The following ZBTB38 variants were observed in gnomAD, a reference collection of about 807,000 sequenced individuals.
ZBTB38 encodes the protein zinc finger and BTB domain containing 38.
A neutral mutation model predicts 76.8 loss-of-function variants in ZBTB38; 20 were observed. The observed-to-expected ratio is 0.26, with a 90% CI of 0.18 to 0.38. The LOEUF (loss-of-function observed/expected upper bound fraction) is 0.38, where lower values mean the gene tolerates loss of function less well. Ranked by LOEUF, ZBTB38 falls within the 10% of genes least tolerant of loss-of-function variation. The probability of loss-of-function intolerance (pLI) is 1.00; values close to 1 mark genes in which losing one functional copy is unlikely to be tolerated. For synonymous variants in ZBTB38, 504 were observed against 544.2 expected (o/e 0.93, Z 1.03); for missense variants, 1,082 against 1,482.3 (o/e 0.73, Z 4.43).
At chr3:141,395,889 C>T (rs562097419) in intron 4 of ZBTB38, among the ~76,000 whole-genome samples, 28 of 152,250 alleles carry the variant, frequency 1.8e-4, no homozygotes, top group African/African-American at 6.7e-4. Flanking sequence ...ACCATTATGC[C>T]TTAAAAATGT....
At chr3:141,329,486 C>T (rs1281582546) in intron 1 of ZBTB38, among the ~76,000 whole-genome samples, 1 of 152,180 alleles carries the variant, frequency 6.6e-6, no homozygotes, top group East Asian at 1.9e-4. Context: ...ATAATACTGC[C>T]ACAAGCAGAG....
intron 1 of ZBTB38, among the ~76,000 whole-genome samples, chr3:141,335,901 C>T (rs1943003199): frequency 6.6e-6 from 1 of 152,222 alleles, no homozygotes; most frequent in Non-Finnish European, 1.5e-5. Context: ...ACAATGCTGA[C>T]ACATAGTAGA....
intron 5 of ZBTB38, among the ~76,000 whole-genome samples, chr3:141,430,967 G>A (rs2077364645): frequency 6.6e-6 from 1 of 152,068 alleles, no homozygotes; most frequent in Non-Finnish European, 1.5e-5. Context: ...CAGGAACCCT[G>A]TCCTGGGGAA....
At chr3:141,431,150 C>T (rs2150496674) in intron 5 of ZBTB38, among the ~76,000 whole-genome samples, 2 of 151,612 alleles carry the variant, frequency 1.3e-5, no homozygotes. Flanking sequence ...TGGTGAAACC[C>T]CGTCTCTACT....
At chr3:141,384,706 T>G (rs972768576) in intron 3 of ZBTB38, 9 of 152,228 alleles carry the variant, frequency 5.9e-5, no homozygotes, top group African/African-American at 2.2e-4. Context: ...TTTCTGACGC[T>G]GTCAATGCTA....
chr3:141,445,005 G>A lies in ZBTB38; in HGVS notation c.2617G>A (p.Glu873Lys), dbSNP rs1400349642. Residue 873 changes from glutamate (E) to lysine (K), a missense_variant, in exon 6 of 6, where the codon GAG (glutamate) becomes AAG (lysine). Glu to Lys is a moderately conservative substitution (Grantham distance 56). Around this residue, in one of 8 missense-constraint regions of ZBTB38, gnomAD observed 471 missense variants for 581.0 expected, o/e 0.81. Coordinates refer to ENST00000321464, the MANE Select transcript of ZBTB38 (RefSeq NM_001376113.1). This position sits in a 1 kb window ranked among gnomAD's most constrained non-coding sequence, Gnocchi z 6.5. ...GRRPKYQMQEEPLPQGNDPEP... is the reference protein window; with the variant it reads ...GRRPKYQMQEKPLPQGNDPEP... ...AAGACCCAAGTATCAGATGCAGGAG[G>A]AGCCTTTGCCACAGGGGAATGACCC... 1.9e-6 allele frequency: 3 copies of A among 1,614,052 alleles called. No homozygotes were observed. Among genetic ancestry groups the A allele is most frequent in the African/African-American group, 1.3e-5 (1 of 74,910 alleles).
chr3:141,390,390 G>A (rs1040471664), intron 4 of ZBTB38, among the ~76,000 whole-genome samples: 3 of 152,132 alleles, frequency 2.0e-5, no homozygotes, highest in Non-Finnish European at 4.4e-5. Context: ...AACAAAATGG[G>A]CAAATATGTG....
chr3:141,341,031 T>A (rs1187081504), intron 1 of ZBTB38, among the ~76,000 whole-genome samples: 1 of 147,248 alleles, frequency 6.8e-6, no homozygotes, highest in Admixed American at 6.7e-5. Flanking sequence ...GATAGACAAG[T>A]GGTTAATAAG....
chr3:141,340,982 G>GAAAGAAAGAAAGA (rs1553760142), intron 1 of ZBTB38, among the ~76,000 whole-genome samples: 1 of 137,428 alleles, frequency 7.3e-6, no homozygotes, highest in East Asian at 2.0e-4. Flanking sequence ...AAGAAAGAAA[G>GAAAGAAAGAAAGA]AAAGAAAGAG....
chr3:141,441,032 C>CAAAAAAAAAAAAAAAAAAA (rs202075469), intron 5 of ZBTB38, among the ~76,000 whole-genome samples: 1 of 64,620 alleles, frequency 1.5e-5, no homozygotes, highest in African/African-American at 5.0e-5. Flanking sequence ...GACTCAATCT[C>CAAAAAAAAAAAAAAAAAAA]AAAAAAAAAA....
chr3:141,357,672 G>C (rs1010538632), intron 1 of ZBTB38, among the ~76,000 whole-genome samples: 2 of 152,126 alleles, frequency 1.3e-5, no homozygotes, highest in Admixed American at 1.3e-4. Flanking sequence ...TGGGACTACA[G>C]GCACCCGCCA....
chr3:141,433,048 A>G (rs1237042732), intron 5 of ZBTB38, among the ~76,000 whole-genome samples: 1 of 152,194 alleles, frequency 6.6e-6, no homozygotes. Context: ...TTCAAACTCA[A>G]GAAATAGTCA....
chr3:141,372,919 C>G (rs1319332771), intron 2 of ZBTB38, among the ~76,000 whole-genome samples: 2 of 152,166 alleles, frequency 1.3e-5, no homozygotes, highest in Non-Finnish European at 2.9e-5. Context: ...CCTCAAAGCA[C>G]TAAGTATGCA....
At position 141,443,685 on chromosome 3, in the gene ZBTB38, A is replaced by G. The variant is rs371080422; in HGVS notation, c.1297A>G (p.Arg433Gly). The G allele has an allele frequency of 2.5e-6, 4 of 1,614,048 alleles. No homozygotes were observed. The African/African-American group carries it at 5.3e-5, about 22-fold the overall frequency. ...TGPEPLLSENRIGEFSSTGST... is the reference protein window; with the variant it reads ...TGPEPLLSENGIGEFSSTGST... ...TCCAGAACCTTTATTATCTGAAAAT[A>G]GGATTGGTGAATTTTCCAGTACCGG... is the stretch of plus-strand genomic sequence containing the variant. Residue 433 changes from arginine (R) to glycine (G), a missense_variant, in exon 6 of 6, where the codon AGG (arginine) becomes GGG (glycine). By Grantham distance (125) the Arg-to-Gly change is moderately radical. Coordinates refer to ENST00000321464, the MANE Select transcript of ZBTB38 (RefSeq NM_001376113.1). This position sits in a 1 kb window ranked among gnomAD's most constrained non-coding sequence, Gnocchi z 5.6.
Position 141,442,934 on chromosome 3 carries a change from G to C in ZBTB38, c.546G>C (p.Pro182=). ...ETENSNNMFS[P]LDLRASFKKV... ...AAAATAGTAATAACATGTTTTCCCC[G>C]CTGGACTTGAGGGCAAGTTTCAAAA... The change falls in exon 6 of 6, where the codon CCG becomes CCC. Residue 182 remains proline, a synonymous_variant. Coordinates refer to ENST00000321464, the MANE Select transcript of ZBTB38 (RefSeq NM_001376113.1). This position sits in a 1 kb window ranked among gnomAD's most constrained non-coding sequence, Gnocchi z 6.4. The C allele has an allele frequency of 6.2e-7, 1 of 1,614,172 alleles. No homozygotes were observed.
intron 2 of ZBTB38, among the ~76,000 whole-genome samples, chr3:141,379,526 G>T (rs1030404801): frequency 2.6e-5 from 4 of 152,196 alleles, no homozygotes; most frequent in African/African-American, 9.6e-5. Context: ...TGATGAGAGG[G>T]ACAGCGGTGC....
intron 5 of ZBTB38, among the ~76,000 whole-genome samples, chr3:141,407,807 C>T (rs1367243372): frequency 6.6e-6 from 1 of 152,232 alleles, no homozygotes; most frequent in Non-Finnish European, 1.5e-5. Flanking sequence ...ACTCCTGTTT[C>T]TACTAGAGAT....
At chr3:141,396,566 G>A (rs553659169) in intron 4 of ZBTB38, 2 of 193,778 alleles carry the variant, frequency 1.0e-5, no homozygotes, top group Non-Finnish European at 2.1e-5. Context: ...ATCTAGAATG[G>A]TGAATCCTTT....
intron 1 of ZBTB38, among the ~76,000 whole-genome samples, chr3:141,331,043 A>G (rs1025948961): frequency 6.6e-6 from 1 of 152,246 alleles, no homozygotes; most frequent in Non-Finnish European, 1.5e-5. Flanking sequence ...AGATCCTTAT[A>G]ATGATCAAAG....
Sources: gnomAD v4.1 joint callset for allele counts (sites outside exome capture counted in the v4.1 genomes callset) on GRCh38, gnomAD v4.1.1 for gene constraint, gnomAD v4.1.1 regional missense constraint, Gnocchi (gnomAD v3.1) non-coding constraint, MANE v1.5 for transcripts, NCBI Gene and HGNC (gene_info 2026-07-23, HGNC 2026-07-21) for gene names.